PRKCI: variants seen among roughly 807,000 people sequenced by gnomAD.
PRKCI encodes the protein protein kinase C iota, also known as protein kinase C iota type.
PRKCI carries 43 observed loss-of-function variants against 84.0 expected under a neutral mutation model. The observed-to-expected ratio is 0.51, with a 90% CI of 0.40 to 0.66. The LOEUF is 0.66. Among genes scored for constraint, PRKCI ranks in the 30% least tolerant of loss-of-function variants. The probability of loss-of-function intolerance (pLI) is 0.00; values close to 1 mark genes in which losing one functional copy is unlikely to be tolerated. For synonymous variants in PRKCI, 216 were observed against 234.4 expected (o/e 0.92, Z 0.72); for missense variants, 459 against 745.6 (o/e 0.62, Z 4.48).
At chr3:170,270,375 T>A in intron 5 of PRKCI, 46 bp from the exon 6 acceptor site, 1 of 1,549,162 alleles carries the variant, frequency 6.5e-7, no homozygotes, top group Non-Finnish European at 8.8e-7. Context: ...GGGAAATGGT[T>A]ATGACCTTCT....
chr3:170,250,739 A>G (rs1733423700), intron 2 of PRKCI, among the ~76,000 whole-genome samples: 1 of 152,194 alleles, frequency 6.6e-6, no homozygotes, highest in Non-Finnish European at 1.5e-5. Flanking sequence ...TTTTCATTTC[A>G]TATGGTAACT....
intron 13 of PRKCI, among the ~76,000 whole-genome samples, chr3:170,293,072 C>T (rs1734600850): frequency 6.6e-6 from 1 of 150,478 alleles, no homozygotes; most frequent in Non-Finnish European, 1.5e-5. Context: ...AAGGAGATTA[C>T]TCTGAAATAC....
rs554225297 is a variant in PRKCI, at chr3:170,222,725, G to T, written c.56G>T (p.Ser19Ile). ...TCCCACACGGTCGCAGGCGGCGGCA[G>T]CGGGGACCATTCCCACCAGGTCCGG... ...TMSHTVAGGG[S>I]GDHSHQVRVK... is the part of the protein sequence containing the mutation. The change falls in exon 1 of 18, where the codon AGC becomes ATC. Residue 19 changes from serine (S) to isoleucine (I), a missense_variant. By Grantham distance (142) the Ser-to-Ile change is moderately radical (BLOSUM62 -2). Around this residue, in one of 2 missense-constraint regions of PRKCI, gnomAD observed 250 missense variants for 319.7 expected, o/e 0.78. Transcript: ENST00000295797. The T allele has an allele frequency of 4.7e-5, 75 of 1,611,216 alleles. 2 individuals are homozygous for T. In the Middle Eastern group the frequency reaches 1.7e-3, roughly 37 times the overall value.
At position 170,270,576 on chromosome 3, in the gene PRKCI, C is replaced by CCTTTT; in HGVS notation, c.591+15_591+16insCTTTT. On this transcript the variant is annotated intron_variant, in intron 6 of 17. Transcript: ENST00000295797. ...CTTTGCCACAGGTAAGATGTCTGTC[C>CCTTTT]TTTTTTTTTTTTTTTTTTTTAAGAG... 1 of 1,364,746 alleles carries CCTTTT rather than the reference C, an allele frequency of 7.3e-7. No individual in the cohort carries two copies. The highest frequency in any genetic ancestry group is 1.7e-5 in the African/African-American group (1 of 58,828). The allele number at this position is 1,364,746 out of a possible 1,614,324, so 84.5% of individuals were successfully genotyped here.
intron 2 of PRKCI, among the ~76,000 whole-genome samples, chr3:170,254,735 A>G (rs1733540163): frequency 6.6e-6 from 1 of 152,202 alleles, no homozygotes; most frequent in South Asian, 2.1e-4. Flanking sequence ...AGTTTGTAGT[A>G]TAATTTAAAG....
At chr3:170,295,864 A>C (rs1175249509) in intron 14 of PRKCI, 47 bp from the exon 15 acceptor site, 1 of 1,149,158 alleles carries the variant, frequency 8.7e-7, no homozygotes, top group African/African-American at 1.6e-5. Flanking sequence ...AAAAAGATTA[A>C]AGCCATGTAA....
At chr3:170,285,849 G>A (rs1317924306) in intron 12 of PRKCI, among the ~76,000 whole-genome samples, 3 of 149,328 alleles carry the variant, frequency 2.0e-5, no homozygotes, top group Admixed American at 6.7e-5. Flanking sequence ...GATTCAAGCC[G>A]TTCTCCAGCC....
At position 170,305,144 on chromosome 3, in the gene PRKCI, T is replaced by G. The variant is rs1279177533; in HGVS notation, c.*2017T>G. 3 of 152,616 alleles carry G rather than the reference T, an allele frequency of 2.0e-5. No individual in the cohort carries two copies. Among genetic ancestry groups the G allele is most frequent in the Non-Finnish European group, 4.4e-5 (3 of 68,034 alleles). 9.5% of individuals were successfully genotyped at this position (152,616 alleles called of 1,614,324 possible). A position where few individuals can be genotyped will look rare whatever the true frequency, so the allele number is the denominator to read the frequency against. On this transcript the variant is annotated 3_prime_UTR_variant, in exon 18 of 18. Transcript: ENST00000295797. ...AATTCTGTATCTCATGTCAGAAATA[T>G]GTTTATGGCCTTGCTTTTAAGTGGT... is the stretch of plus-strand genomic sequence containing the variant.
At chr3:170,237,232 G>A (rs73034333) in intron 2 of PRKCI, among the ~76,000 whole-genome samples, 2,486 of 152,292 alleles carry the variant, frequency 0.016, 84 homozygotes, top group African/African-American at 0.057. Flanking sequence ...GTATGAATTG[G>A]CCTACAGTTT....
At chr3:170,302,930 T>G in intron 17 of PRKCI, 110 bp from the exon 18 acceptor site, 1 of 656,904 alleles carries the variant, frequency 1.5e-6, no homozygotes, top group Non-Finnish European at 2.3e-6. Flanking sequence ...ATTTATAGAT[T>G]TCCTTTCAGT....
At chr3:170,231,048 C>T (rs906169760) in intron 1 of PRKCI, among the ~76,000 whole-genome samples, 3 of 150,110 alleles carry the variant, frequency 2.0e-5, no homozygotes, top group African/African-American at 7.4e-5. Context: ...CAACCTCCGC[C>T]TCCCAGGTTC....
intron 2 of PRKCI, among the ~76,000 whole-genome samples, chr3:170,257,745 ACCTC>A (rs1322305832): frequency 2.1e-4 from 30 of 145,112 alleles, no homozygotes; most frequent in Admixed American, 2.0e-3. Flanking sequence ...GTTCGCTGCA[ACCTC>A]CGCCTCCCAG....
chr3:170,255,840 GT>G (rs1266152365), intron 2 of PRKCI, among the ~76,000 whole-genome samples: 1 of 151,780 alleles, frequency 6.6e-6, no homozygotes. Context: ...TCTATCCCCA[GT>G]TTTTTTTGGA....
rs965626870 is a variant in PRKCI at position 170,293,299 on chromosome 3, T to C, written c.1292-84T>C. 6 of 1,343,064 alleles carry C rather than the reference T, an allele frequency of 4.5e-6. No homozygotes were observed. In the Admixed American group the frequency reaches 1.1e-4, roughly 26 times the overall value. The allele number at this position is 1,343,064 out of a possible 1,614,324, so 83.2% of individuals were successfully genotyped here. A position where few individuals can be genotyped will look rare whatever the true frequency, so the allele number is the denominator to read the frequency against. ...GAGTTTACTTTTTCATTGTTTCTTT[T>C]TCCTTTATGTGATAAAATTTCCAGT... On this transcript the variant is annotated intron_variant, in intron 13 of 17. Coordinates refer to ENST00000295797, the MANE Select transcript of PRKCI (RefSeq NM_002740.6).
chr3:170,284,578 T>C lies in PRKCI; in HGVS notation c.1185T>C (p.Thr395=). ...LLDSEGHIKL[T]DYGMCKEGLR... ...ACTCTGAAGGCCACATTAAACTCACTGACTACGGCATGTGTAAGGTGAGGA... is the reference window on the plus strand; with the variant it reads ...ACTCTGAAGGCCACATTAAACTCACCGACTACGGCATGTGTAAGGTGAGGA... Residue 395 remains threonine, a synonymous_variant, in exon 12 of 18, where the codon ACT becomes ACC. Transcript: ENST00000295797. The C allele has an allele frequency of 6.2e-7, 1 of 1,612,630 alleles. No homozygotes were observed. Among genetic ancestry groups the C allele is most frequent in the South Asian group, 1.1e-5 (1 of 90,716 alleles).
At position 170,304,234 on chromosome 3, in the gene PRKCI, C is replaced by A. The variant is rs1317308467; in HGVS notation, c.*1107C>A. ...CTCAGTGTATAGAAAGGAAAAAAAC[C>A]AGAAATTTAAAATAGATACAGAAAA... On this transcript the variant is annotated 3_prime_UTR_variant, in exon 18 of 18. Transcript: ENST00000295797. The A allele has an allele frequency of 6.6e-6, 1 of 151,806 alleles. No individual in the cohort carries two copies. The highest frequency in any genetic ancestry group is 1.5e-5 in the Non-Finnish European group (1 of 67,950). The allele number at this position is 151,806 out of a possible 1,614,324, so 9.4% of individuals were successfully genotyped here. A position where few individuals can be genotyped will look rare whatever the true frequency, so the allele number is the denominator to read the frequency against.
At chr3:170,244,371 C>T (rs1045250050) in intron 2 of PRKCI, among the ~76,000 whole-genome samples, 1 of 152,060 alleles carries the variant, frequency 6.6e-6, no homozygotes, top group Non-Finnish European at 1.5e-5. Flanking sequence ...AATGGGACCC[C>T]CTTAAGAACT....
intron 15 of PRKCI, among the ~76,000 whole-genome samples, chr3:170,296,193 A>G (rs1187448295): frequency 6.6e-6 from 1 of 152,222 alleles, no homozygotes; most frequent in African/African-American, 2.4e-5. Flanking sequence ...CATTTTGGCA[A>G]TAAAATTTAC....
intron 12 of PRKCI, among the ~76,000 whole-genome samples, chr3:170,290,072 C>CA (rs34466537): frequency 0.07 from 8,853 of 126,394 alleles, 466 homozygotes; most frequent in African/African-American, 0.16. Context: ...AACTCGGTCT[C>CA]AAAAAAAAAA....
Sources: allele counts gnomAD v4.1 joint callset (sites outside exome capture counted in the v4.1 genomes callset), GRCh38; gene constraint gnomAD v4.1.1; regional missense constraint gnomAD v4.1.1; transcripts MANE v1.5; gene names NCBI Gene and HGNC (gene_info 2026-07-23, HGNC 2026-07-21).